The following EDIL3 variants were observed in gnomAD, a reference collection of about 807,000 sequenced individuals.
EDIL3 encodes the protein EGF like and discoidin domains 3, also known as EGF-like repeat and discoidin I-like domain-containing protein 3.
In EDIL3, 37 loss-of-function variants were observed where a neutral mutation model predicts 67.4. The ratio of observed to expected loss-of-function variants is 0.55; its 90% CI spans 0.42 to 0.72. The LOEUF (loss-of-function observed/expected upper bound fraction) is 0.72. Ranked by LOEUF, EDIL3 falls within the 30% of genes least tolerant of loss-of-function variation. EDIL3 has a pLI of 0.00. For missense variants in EDIL3, 527 were observed against 586.3 expected, an observed-to-expected ratio of 0.90 and a Z score of 1.04; for synonymous variants, 195 against 196.3, an observed-to-expected ratio of 0.99 and a Z score of 0.05.
At chr5:84,036,137 G>GTA (rs1164103685) in intron 9 of EDIL3, among the ~76,000 whole-genome samples, 6 of 152,180 alleles carry the variant, frequency 3.9e-5, no homozygotes, top group Non-Finnish European at 8.8e-5. Context: ...TCCCTCCTGA[G>GTA]TAACCTGAAT....
At chr5:84,087,720 C>T (rs906534590) in intron 6 of EDIL3, among the ~76,000 whole-genome samples, 1 of 152,120 alleles carries the variant, frequency 6.6e-6, no homozygotes. Flanking sequence ...AGTCTAATTA[C>T]TAGCTGCGGC....
intron 5 of EDIL3, among the ~76,000 whole-genome samples, chr5:84,130,079 C>T (rs1329627567): frequency 6.6e-6 from 1 of 152,088 alleles, no homozygotes; most frequent in Non-Finnish European, 1.5e-5. Flanking sequence ...AAATTCTCAT[C>T]TCTACCACCC....
At chr5:84,137,504 T>C (rs982102607) in intron 4 of EDIL3, 150 bp from the exon 5 acceptor site, 18 of 613,654 alleles carry the variant, frequency 2.9e-5, no homozygotes, top group Non-Finnish European at 3.9e-5. Context: ...GTAATACAAA[T>C]GCTGCTTAAA....
intron 6 of EDIL3, among the ~76,000 whole-genome samples, chr5:84,078,069 T>C (rs1410943764): frequency 6.6e-6 from 1 of 152,194 alleles, no homozygotes; most frequent in Non-Finnish European, 1.5e-5. Context: ...ATTCTGATGC[T>C]GATGATGGGA....
At chr5:84,244,804 G>A (rs996619926) in intron 2 of EDIL3, among the ~76,000 whole-genome samples, 4 of 152,146 alleles carry the variant, frequency 2.6e-5, no homozygotes, top group African/African-American at 9.7e-5. Flanking sequence ...TCCGTGGCCT[G>A]TTATGAACCA....
intron 2 of EDIL3, among the ~76,000 whole-genome samples, chr5:84,235,504 T>A (rs556621778): frequency 1.3e-5 from 2 of 152,118 alleles, no homozygotes; most frequent in African/African-American, 4.8e-5. Flanking sequence ...AGTTAGCATG[T>A]AAACATATAT....
chr5:84,233,358 T>G (rs868487357), intron 2 of EDIL3, among the ~76,000 whole-genome samples: 13 of 152,210 alleles, frequency 8.5e-5, no homozygotes, highest in Non-Finnish European at 1.6e-4. Context: ...CCACGAACAC[T>G]AAATATTGAG....
chr5:84,016,328 A>T (rs557312527), intron 9 of EDIL3, among the ~76,000 whole-genome samples: 2 of 152,256 alleles, frequency 1.3e-5, no homozygotes, highest in East Asian at 3.9e-4. Flanking sequence ...GCATATCAAA[A>T]CACTGCCTAG....
intron 1 of EDIL3, among the ~76,000 whole-genome samples, chr5:84,259,226 T>C (rs1033660693): frequency 6.6e-6 from 1 of 152,090 alleles, no homozygotes; most frequent in African/African-American, 2.4e-5. Flanking sequence ...CCCAAAGTAC[T>C]GAGATTACAG....
chr5:84,207,775 T>A (rs1744016544), intron 3 of EDIL3, among the ~76,000 whole-genome samples: 1 of 151,876 alleles, frequency 6.6e-6, no homozygotes, highest in Non-Finnish European at 1.5e-5. Flanking sequence ...TTGACAAACC[T>A]GAAAAAAACA....
intron 3 of EDIL3, among the ~76,000 whole-genome samples, chr5:84,214,132 CTA>C (rs1561223471): frequency 1.3e-5 from 2 of 152,150 alleles, no homozygotes; most frequent in African/African-American, 4.8e-5. Context: ...CCAGTTATTA[CTA>C]ACAATGGCTA....
At chr5:83,966,795 T>C (rs952936195) in intron 9 of EDIL3, among the ~76,000 whole-genome samples, 1 of 152,052 alleles carries the variant, frequency 6.6e-6, no homozygotes, top group African/African-American at 2.4e-5. Context: ...GGTAACATCA[T>C]GAAATTAAGA....
intron 8 of EDIL3, among the ~76,000 whole-genome samples, chr5:84,064,295 A>G (rs1746595282): frequency 6.6e-6 from 1 of 152,194 alleles, no homozygotes; most frequent in South Asian, 2.1e-4. Flanking sequence ...GATAAAGCTT[A>G]CTTTTCTGTG....
intron 5 of EDIL3, among the ~76,000 whole-genome samples, chr5:84,112,885 G>A (rs1747587949): frequency 6.6e-6 from 1 of 151,982 alleles, no homozygotes. Context: ...CAATACAAAT[G>A]GCAGGTAATA....
rs1431634924 is a variant in EDIL3, at chr5:83,975,436, A to AT, written c.1138-12077dup. Among the ~76,000 whole-genome samples the AT allele has an allele frequency of 3.3e-5, 5 of 151,940 alleles. No homozygotes were observed. In the South Asian group the frequency reaches 8.3e-4, roughly 25 times the overall value. On this transcript the variant is annotated intron_variant, in intron 9 of 10. Coordinates refer to ENST00000296591, the MANE Select transcript of EDIL3 (RefSeq NM_005711.5). Reference sequence around the variant, plus strand: ...GAAACAAACTCATTATATTAAACTTATTTTTTTGCATATGTATTCAAGATT... The same window carrying AT: ...GAAACAAACTCATTATATTAAACTTATTTTTTTTGCATATGTATTCAAGATT...
intron 1 of EDIL3, among the ~76,000 whole-genome samples, chr5:84,375,620 A>G (rs1405040705): frequency 1.3e-5 from 2 of 152,230 alleles, no homozygotes; most frequent in Admixed American, 6.5e-5. Context: ...AAAATTACAG[A>G]GAAAGCATGC....
At chr5:84,021,469 G>A (rs1298861656) in intron 9 of EDIL3, among the ~76,000 whole-genome samples, 1 of 151,856 alleles carries the variant, frequency 6.6e-6, no homozygotes, top group Non-Finnish European at 1.5e-5. Flanking sequence ...CCTAATGATT[G>A]TTCAGGAGCA....
chr5:84,284,493 C>T (rs1156275709), intron 1 of EDIL3, among the ~76,000 whole-genome samples: 1 of 152,088 alleles, frequency 6.6e-6, no homozygotes, highest in African/African-American at 2.4e-5. Context: ...ATCACCAGCA[C>T]CTAGCATGCT....
At chr5:84,006,256 G>GTACTC (rs1366058602) in intron 9 of EDIL3, among the ~76,000 whole-genome samples, 1 of 151,792 alleles carries the variant, frequency 6.6e-6, no homozygotes, top group Non-Finnish European at 1.5e-5. Flanking sequence ...TAAAATGACC[G>GTACTC]TACTCTACAA....
Sources: allele counts gnomAD v4.1 joint callset (sites outside exome capture counted in the v4.1 genomes callset), GRCh38; gene constraint gnomAD v4.1.1; transcripts MANE v1.5; gene names NCBI Gene and HGNC (gene_info 2026-07-23, HGNC 2026-07-21).